Variants in SCFD2 observed in about 807,000 individuals in gnomAD.
The protein encoded by SCFD2 is sec1 family domain containing 2.
SCFD2 carries 54 observed loss-of-function variants against 58.9 expected under a neutral mutation model. That is an observed-to-expected ratio of 0.92 (90% CI 0.74 to 1.15). The LOEUF is 1.15. SCFD2 is among the 50% of genes most tolerant of loss of function. SCFD2 has a pLI of 0.00. For missense variants in SCFD2, 805 were observed against 836.6 expected (o/e 0.96, Z 0.47); for synonymous variants, 321 against 335.9 (o/e 0.96, Z 0.49).
chr4:53,019,233 G>C (rs527792842), intron 5 of SCFD2, among the ~76,000 whole-genome samples: 22 of 152,166 alleles, frequency 1.4e-4, no homozygotes, highest in Admixed American at 3.3e-4. Context: ...ATAGGAAAAT[G>C]CTTAAATAAA....
At chr4:53,115,829 C>T (rs1159097227) in intron 5 of SCFD2, among the ~76,000 whole-genome samples, 1 of 152,104 alleles carries the variant, frequency 6.6e-6, no homozygotes, top group African/African-American at 2.4e-5. Context: ...TCTAACAATG[C>T]GATGCCTGCT....
chr4:53,126,870 T>C (rs1208494899), intron 5 of SCFD2, among the ~76,000 whole-genome samples: 1 of 151,770 alleles, frequency 6.6e-6, no homozygotes, highest in African/African-American at 2.4e-5. Flanking sequence ...ATAATCAGGT[T>C]GGAAAAAAAA....
intron 7 of SCFD2, among the ~76,000 whole-genome samples, chr4:52,897,920 T>C (rs1430267467): frequency 6.6e-6 from 1 of 152,266 alleles, no homozygotes; most frequent in Non-Finnish European, 1.5e-5. Context: ...CTATTTCTTC[T>C]AGATTTTGTA....
chr4:53,190,739 A>C (rs905818676), intron 4 of SCFD2, among the ~76,000 whole-genome samples: 2 of 152,232 alleles, frequency 1.3e-5, no homozygotes, highest in Non-Finnish European at 2.9e-5. Context: ...ATGCTGAATA[A>C]ATGAACGAAG....
At chr4:53,263,230 G>A (rs1577911664) in intron 4 of SCFD2, among the ~76,000 whole-genome samples, 3 of 151,840 alleles carry the variant, frequency 2.0e-5, no homozygotes, top group Non-Finnish European at 2.9e-5. Context: ...CTTAATAATC[G>A]ACCTTCGAAT....
At chr4:53,109,033 T>C (rs1725089795) in intron 5 of SCFD2, among the ~76,000 whole-genome samples, 2 of 152,158 alleles carry the variant, frequency 1.3e-5, no homozygotes, top group African/African-American at 4.8e-5. Context: ...CAAGTCAGCT[T>C]CATACCTGGG....
intron 5 of SCFD2, among the ~76,000 whole-genome samples, chr4:53,047,997 C>T (rs1723085217): frequency 6.6e-6 from 1 of 152,140 alleles, no homozygotes; most frequent in Non-Finnish European, 1.5e-5. Flanking sequence ...CAGGCATTCA[C>T]TTACCCAGTG....
chr4:53,136,674 T>C lies in SCFD2; in HGVS notation c.1561+8659A>G, dbSNP rs1265272727. ...ATACATTTCACTTGAATTCAGATAT[T>C]TGGGCTACATTTATTAGACATGCAA... On this transcript the variant is annotated intron_variant, in intron 5 of 8. Transcript: ENST00000401642. Among the ~76,000 whole-genome samples the C allele has an allele frequency of 5.3e-5, 8 of 152,330 alleles. No individual in the cohort carries two copies. In the South Asian group the frequency reaches 8.3e-4, roughly 16 times the overall value.
chr4:53,231,171 G>GT (rs1560399249), intron 4 of SCFD2, among the ~76,000 whole-genome samples: 1 of 151,856 alleles, frequency 6.6e-6, no homozygotes, highest in Non-Finnish European at 1.5e-5. Flanking sequence ...TTGAAAACTA[G>GT]TTTTTTAAAA....
intron 5 of SCFD2, chr4:52,957,458 G>T (rs1720737507): frequency 6.6e-6 from 1 of 152,222 alleles, no homozygotes; most frequent in South Asian, 2.1e-4. Context: ...GCTATCAGTT[G>T]CTGCGAATAG....
At chr4:53,046,213 T>A (rs963332159) in intron 5 of SCFD2, among the ~76,000 whole-genome samples, 2 of 152,188 alleles carry the variant, frequency 1.3e-5, no homozygotes, top group South Asian at 4.1e-4. Flanking sequence ...AAAATGAATA[T>A]TTTAAATTTT....
At chr4:53,299,785 C>G (rs939486003) in intron 3 of SCFD2, among the ~76,000 whole-genome samples, 4 of 151,874 alleles carry the variant, frequency 2.6e-5, no homozygotes, top group African/African-American at 9.7e-5. Context: ...AGAGTGGGTG[C>G]CAATATTCAA....
chr4:53,079,421 G>A lies in SCFD2; in HGVS notation c.1561+65912C>T, dbSNP rs1724076788. ...AGAAAAAATGCTTTACCAGCTCTCT[G>A]GGCATACCTTAGCCAAGTCAAGCTG... is the stretch of plus-strand genomic sequence containing the variant. On this transcript the variant is annotated intron_variant, in intron 5 of 8. Transcript: ENST00000401642. 2.6e-5 allele frequency among the ~76,000 whole-genome samples: 4 copies of A among 152,164 alleles called. No homozygotes were observed. The South Asian group carries it at 8.3e-4, about 32-fold the overall frequency.
At chr4:53,354,143 G>T (rs562233502) in intron 1 of SCFD2, among the ~76,000 whole-genome samples, 15 of 152,252 alleles carry the variant, frequency 9.9e-5, no homozygotes, top group African/African-American at 3.6e-4. Context: ...GACAGTGCCC[G>T]TTGGGGAGGC....
chr4:53,299,984 C>T (rs1319001459), intron 3 of SCFD2, among the ~76,000 whole-genome samples: 2 of 152,138 alleles, frequency 1.3e-5, no homozygotes, highest in East Asian at 1.9e-4. Context: ...GTACCAGCCA[C>T]TGCAAAAACA....
chr4:53,298,888 A>T (rs1361864983), intron 3 of SCFD2, among the ~76,000 whole-genome samples: 1 of 152,198 alleles, frequency 6.6e-6, no homozygotes, highest in Non-Finnish European at 1.5e-5. Flanking sequence ...GAGGGTCCTG[A>T]CTGTTAGAAG....
At chr4:52,989,675 T>C (rs1721576305) in intron 5 of SCFD2, among the ~76,000 whole-genome samples, 1 of 152,260 alleles carries the variant, frequency 6.6e-6, no homozygotes, top group Non-Finnish European at 1.5e-5. Context: ...ACTGTGGCAT[T>C]GGATTCTATT....
intron 3 of SCFD2, among the ~76,000 whole-genome samples, chr4:53,301,445 G>C (rs537188766): frequency 6.6e-5 from 10 of 151,844 alleles, no homozygotes; most frequent in South Asian, 2.1e-4. Flanking sequence ...CTCTGAAATT[G>C]AGGCAATAAT....
At chr4:53,244,205 C>T (rs1315281497) in intron 4 of SCFD2, among the ~76,000 whole-genome samples, 5 of 152,078 alleles carry the variant, frequency 3.3e-5, no homozygotes, top group Non-Finnish European at 5.9e-5. Flanking sequence ...CAAAGATATT[C>T]AGGACCTGAA....
Sources: allele counts gnomAD v4.1 joint callset (sites outside exome capture counted in the v4.1 genomes callset), GRCh38; gene constraint gnomAD v4.1.1; transcripts MANE v1.5; gene names NCBI Gene and HGNC (gene_info 2026-07-23, HGNC 2026-07-21).